The following GAN variants were observed in gnomAD, a reference collection of about 807,000 sequenced individuals.
GAN encodes epididymis secretory sperm binding protein.
In GAN, 48 loss-of-function variants were observed where a neutral mutation model predicts 71.3. The observed-to-expected ratio is 0.67, with a 90% CI of 0.53 to 0.86. The LOEUF is 0.86. GAN is among the 40% of genes least tolerant of loss of function. GAN has a pLI of 0.00. For synonymous variants in GAN, 386 were observed against 276.8 expected (o/e 1.39, Z -3.92); for missense variants, 928 against 770.1 (o/e 1.21, Z -2.43).
In GAN at chr16:81,356,785, G is replaced by T. The variant is rs946499469; in HGVS notation, c.634G>T (p.Val212Phe). The T allele has an allele frequency of 6.2e-7, 1 of 1,602,636 alleles. No individual in the cohort carries two copies. Among genetic ancestry groups the T allele is most frequent in the Non-Finnish European group, 8.5e-7 (1 of 1,169,602 alleles). ...CCCATCTTTCTTCCCTCTTCTGCAG[G>T]TCCACATGAAGGATGTTATGTCAGC... The part of the protein sequence containing the change: ...WIAHDTEIRK[V>F]HMKDVMSALW... Residue 212 changes from valine (V) to phenylalanine (F), a missense_variant and splice_region_variant, in exon 4 of 11, where the codon GTC (valine) becomes TTC (phenylalanine). By Grantham distance (50) the Val-to-Phe change is conservative. Transcript: ENST00000648994.
intron 1 of GAN, among the ~76,000 whole-genome samples, chr16:81,345,075 G>A (rs1419746850): frequency 1.3e-5 from 2 of 152,118 alleles, no homozygotes; most frequent in Admixed American, 6.5e-5. Flanking sequence ...CAGTTAGAAC[G>A]GCGATCATTA....
chr16:81,342,974 C>G (rs746948324), intron 1 of GAN, among the ~76,000 whole-genome samples: 2 of 152,126 alleles, frequency 1.3e-5, no homozygotes, highest in South Asian at 2.1e-4. Context: ...GAAATACAAA[C>G]TACCTTCAGA....
chr16:81,372,611 CTGAATCAT>C (rs1398338007), intron 9 of GAN, among the ~76,000 whole-genome samples: 8 of 152,204 alleles, frequency 5.3e-5, no homozygotes, highest in African/African-American at 1.7e-4. Flanking sequence ...AACCCAGGAA[CTGAATCAT>C]TGATGTGCTT....
intron 1 of GAN, among the ~76,000 whole-genome samples, chr16:81,323,783 A>G (rs1909292232): frequency 6.6e-6 from 1 of 152,200 alleles, no homozygotes. Context: ...CCTCCATTTC[A>G]GTCATTTACA....
intron 5 of GAN, among the ~76,000 whole-genome samples, chr16:81,360,678 C>G (rs1268018958): frequency 6.6e-6 from 1 of 151,754 alleles, no homozygotes; most frequent in African/African-American, 2.4e-5. Context: ...TCCCTGTTAC[C>G]TGGAGTTATC....
At chr16:81,332,928 C>T (rs192082195) in intron 1 of GAN, among the ~76,000 whole-genome samples, 76 of 152,198 alleles carry the variant, frequency 5.0e-4, no homozygotes, top group African/African-American at 1.8e-3. Context: ...AGTTTGATCA[C>T]GTTATTTAAG....
chr16:81,361,756 A>T (rs191564747), intron 5 of GAN, among the ~76,000 whole-genome samples: 22 of 152,310 alleles, frequency 1.4e-4, no homozygotes, highest in African/African-American at 4.8e-4. Flanking sequence ...GTACAATGGC[A>T]TGATCACAGC....
intron 1 of GAN, among the ~76,000 whole-genome samples, chr16:81,315,514 C>G (rs1909005257): frequency 1.3e-5 from 2 of 152,136 alleles, no homozygotes; most frequent in South Asian, 4.1e-4. Flanking sequence ...ACCCCCGCGC[C>G]CCTTGGAGTT....
chr16:81,356,786 T>G lies in GAN; in HGVS notation c.635T>G (p.Val212Gly). The change falls in exon 4 of 11, where the codon GTC (valine) becomes GGC (glycine). Residue 212 changes from valine (V) to glycine (G), a missense_variant and splice_region_variant. Physicochemically the swap from Val to Gly is moderately radical, Grantham distance 109 (BLOSUM62 -3). Coordinates refer to ENST00000648994, the MANE Select transcript of GAN (RefSeq NM_022041.4). ...WIAHDTEIRK[V>G]HMKDVMSALW... ...CCATCTTTCTTCCCTCTTCTGCAGG[T>G]CCACATGAAGGATGTTATGTCAGCT... is the stretch of plus-strand genomic sequence containing the variant. 6.2e-7 allele frequency: 1 copy of G among 1,603,094 alleles called. No homozygotes were observed. The highest frequency in any genetic ancestry group is 8.5e-7 in the Non-Finnish European group (1 of 1,169,946).
intron 9 of GAN, among the ~76,000 whole-genome samples, chr16:81,374,162 G>T (rs1315592913): frequency 6.6e-6 from 1 of 152,076 alleles, no homozygotes; most frequent in Admixed American, 6.6e-5. Flanking sequence ...TTAGACTGAG[G>T]TTATGCAGTT....
intron 5 of GAN, among the ~76,000 whole-genome samples, chr16:81,361,658 T>C (rs1350630831): frequency 6.6e-6 from 1 of 152,236 alleles, no homozygotes; most frequent in Non-Finnish European, 1.5e-5. Context: ...CAGTTTTGCC[T>C]TGTTATCTTG....
intron 7 of GAN, 133 bp from the exon 8 acceptor site, chr16:81,364,841 C>A: frequency 1.2e-6 from 1 of 862,074 alleles, no homozygotes; most frequent in Non-Finnish European, 2.0e-6. Context: ...TACTGAAAAG[C>A]ACCATCGTTT....
chr16:81,345,734 T>A (rs967462483), intron 1 of GAN, among the ~76,000 whole-genome samples: 23 of 152,178 alleles, frequency 1.5e-4, no homozygotes, highest in Admixed American at 1.2e-3. Context: ...ACCCAGAGCT[T>A]AAAGTATAAT....
intron 3 of GAN, among the ~76,000 whole-genome samples, chr16:81,355,575 C>G (rs1910459913): frequency 6.6e-6 from 1 of 152,194 alleles, no homozygotes; most frequent in Non-Finnish European, 1.5e-5. Context: ...GCTGCCCAGG[C>G]TGGTCTCAAA....
rs1910425442 is a variant in GAN, at chr16:81,354,639, C to T, written c.517C>T (p.Leu173=). The T allele has an allele frequency of 6.2e-7, 1 of 1,613,356 alleles. No homozygotes were observed. Among genetic ancestry groups the T allele is most frequent in the Non-Finnish European group, 8.5e-7 (1 of 1,179,282 alleles). ...DVSSTEEFLE[L]SPQKLKEVIS... ...CAGCAGCACGGAAGAATTCTTAGAG[C>T]TGAGTCCTCAAAAGCTTAAAGAAGT... The change falls in exon 3 of 11, where the codon CTG becomes TTG. Residue 173 remains leucine (L), a synonymous_variant. Coordinates refer to ENST00000648994, the MANE Select transcript of GAN (RefSeq NM_022041.4).
intron 9 of GAN, among the ~76,000 whole-genome samples, chr16:81,366,212 A>AG (rs1373089610): frequency 6.6e-6 from 1 of 152,202 alleles, no homozygotes; most frequent in Non-Finnish European, 1.5e-5. Context: ...GTTAACTGCA[A>AG]GCAACTTCAG....
At chr16:81,353,695 C>T (rs16955138) in intron 2 of GAN, among the ~76,000 whole-genome samples, 2 of 151,962 alleles carry the variant, frequency 1.3e-5, no homozygotes, top group Non-Finnish European at 1.5e-5. Flanking sequence ...AGAACTGTTT[C>T]TTTCCTGATG....
At chr16:81,375,655 C>CA (rs1314790920) in intron 9 of GAN, among the ~76,000 whole-genome samples, 1 of 151,746 alleles carries the variant, frequency 6.6e-6, no homozygotes, top group Non-Finnish European at 1.5e-5. Context: ...AACCTTTAAA[C>CA]AGACATTTTA....
At chr16:81,340,379 G>A (rs1057409240) in intron 1 of GAN, among the ~76,000 whole-genome samples, 1 of 152,214 alleles carries the variant, frequency 6.6e-6, no homozygotes, top group African/African-American at 2.4e-5. Context: ...AGGGCTCCTT[G>A]TCCAACACAC....
Sources: allele counts gnomAD v4.1 joint callset (sites outside exome capture counted in the v4.1 genomes callset), GRCh38; gene constraint gnomAD v4.1.1; transcripts MANE v1.5; gene names NCBI Gene and HGNC (gene_info 2026-07-23, HGNC 2026-07-21).